Variants in CPD observed in about 807,000 individuals in gnomAD.
CPD encodes carboxypeptidase D.
A neutral mutation model predicts 138.3 loss-of-function variants in CPD; 69 were observed. The observed-to-expected ratio is 0.50, with a 90% CI of 0.41 to 0.61. The LOEUF (loss-of-function observed/expected upper bound fraction) is 0.61. Among genes scored for constraint, CPD ranks in the 20% least tolerant of loss-of-function variants. The probability of loss-of-function intolerance (pLI) is 0.00; values close to 1 mark genes in which losing one functional copy is unlikely to be tolerated. For synonymous variants in CPD, 651 were observed against 642.1 expected (o/e 1.01, Z -0.21); for missense variants, 1,432 against 1,733.3 (o/e 0.83, Z 3.09).
intron 2 of CPD, among the ~76,000 whole-genome samples, chr17:30,419,920 G>A (rs1313923522): frequency 2.6e-5 from 4 of 152,232 alleles, no homozygotes; most frequent in African/African-American, 4.8e-5. Flanking sequence ...GAAGGATCCT[G>A]TGTGACATCA....
rs764896564 is a variant in CPD, at chr17:30,442,332, TACAA to T, written c.2261_2264del (p.Thr754IlefsTer5). ...GGAGGAATGCAGGACTGGAACTATT[TACAA>T]ACAAATTGCTTTGAAGTGACTATTG... is the stretch of plus-strand genomic sequence containing the variant. On this transcript the variant is annotated frameshift_variant, in exon 10 of 21. Transcript: ENST00000225719. LOFTEE classifies it high-confidence loss of function. 6.8e-6 allele frequency: 11 copies of T among 1,613,142 alleles called. No homozygotes were observed. Among genetic ancestry groups the T allele is most frequent in the Non-Finnish European group, 9.3e-6 (11 of 1,179,432 alleles).
rs541532344 is a variant in CPD at position 30,434,002 on chromosome 17, T to TC, written c.2127+2122dup. ...CCCAGTCTTCACTCACAGCCTTTTT[T>TC]CTCTTGGTCAATAAGCAGCTCCTCT... On this transcript the variant is annotated intron_variant, in intron 8 of 20. Coordinates refer to ENST00000225719, the MANE Select transcript of CPD (RefSeq NM_001304.5). Among the ~76,000 whole-genome samples, 377 of 152,290 alleles carry TC rather than the reference T, an allele frequency of 2.5e-3. 1 individual carries two copies. Among genetic ancestry groups the TC allele is most frequent in the African/African-American group, 8.7e-3 (360 of 41,554 alleles).
intron 17 of CPD, among the ~76,000 whole-genome samples, chr17:30,457,213 A>C (rs1294991136): frequency 6.6e-6 from 1 of 152,228 alleles, no homozygotes; most frequent in Non-Finnish European, 1.5e-5. Context: ...ATTTCATGTA[A>C]GTAGAATCAT....
At chr17:30,428,852 A>G (rs1912489050) in intron 7 of CPD, among the ~76,000 whole-genome samples, 2 of 150,962 alleles carry the variant, frequency 1.3e-5, no homozygotes, top group Non-Finnish European at 2.9e-5. Flanking sequence ...GGTGAATTGC[A>G]TGGTATTTGA....
chr17:30,411,916 C>T (rs916652884), intron 2 of CPD, among the ~76,000 whole-genome samples: 2 of 152,146 alleles, frequency 1.3e-5, no homozygotes, highest in African/African-American at 2.4e-5. Flanking sequence ...CAAGGAGCTG[C>T]GATCCTTTTC....
chr17:30,390,524 A>G (rs1476941683), intron 2 of CPD, among the ~76,000 whole-genome samples: 1 of 152,206 alleles, frequency 6.6e-6, no homozygotes, highest in Non-Finnish European at 1.5e-5. Context: ...CATATACTGT[A>G]TTAGGTGATG....
intron 12 of CPD, among the ~76,000 whole-genome samples, chr17:30,448,253 T>G (rs1913078147): frequency 6.6e-6 from 1 of 152,144 alleles, no homozygotes; most frequent in East Asian, 1.9e-4. Context: ...ATCCCAGCAC[T>G]TTGGGAGGCC....
At chr17:30,399,161 C>T (rs1188973283) in intron 2 of CPD, among the ~76,000 whole-genome samples, 2 of 152,036 alleles carry the variant, frequency 1.3e-5, no homozygotes, top group Middle Eastern at 3.4e-3. Context: ...ATAATAACAT[C>T]GTGGTCAGAG....
chr17:30,389,313 G>A (rs1367084964), intron 2 of CPD, among the ~76,000 whole-genome samples: 4 of 152,224 alleles, frequency 2.6e-5, no homozygotes, highest in African/African-American at 9.6e-5. Flanking sequence ...TCAAAAAGAG[G>A]TTTGACATAC....
intron 1 of CPD, chr17:30,380,383 C>T (rs1251371957): frequency 4.7e-6 from 4 of 858,666 alleles, no homozygotes; most frequent in Non-Finnish European, 5.9e-6. Context: ...CCAATTTTTA[C>T]CTCTGACTCA....
intron 11 of CPD, among the ~76,000 whole-genome samples, chr17:30,444,422 C>A (rs965904942): frequency 2.0e-5 from 3 of 150,240 alleles, no homozygotes; most frequent in Non-Finnish European, 4.4e-5. Flanking sequence ...GCACAAAGAA[C>A]ATAGAAAATG....
intron 2 of CPD, among the ~76,000 whole-genome samples, chr17:30,390,859 C>T (rs867498805): frequency 2.0e-5 from 3 of 148,712 alleles, no homozygotes; most frequent in African/African-American, 5.0e-5. Flanking sequence ...GATGGAGTTT[C>T]GCTCTTGTTG....
intron 2 of CPD, among the ~76,000 whole-genome samples, chr17:30,390,905 C>T (rs1911337993): frequency 6.6e-6 from 1 of 151,850 alleles, no homozygotes; most frequent in African/African-American, 2.4e-5. Flanking sequence ...TCTCAGCTCA[C>T]TGCAACCTCT....
At position 30,423,510 on chromosome 17, in the gene CPD, A is replaced by G; in HGVS notation, c.1662A>G (p.Glu554=). 6.5e-7 allele frequency: 1 copy of G among 1,546,872 alleles called. No homozygotes were observed. The highest frequency in any genetic ancestry group is 8.7e-7 in the Non-Finnish European group (1 of 1,148,698). The change falls in exon 6 of 21, where the codon GAA becomes GAG. Residue 554 remains glutamate (E), a synonymous_variant. Coordinates refer to ENST00000225719, the MANE Select transcript of CPD (RefSeq NM_001304.5). ...SDNPGVHEPG[E]PEFKYIGNMH... The stretch of plus-strand genomic sequence containing the variant: ...ATGTAATTATTTTGTTTTCAGGTGA[A>G]CCAGAATTTAAGTACATTGGAAATA...
rs773719535 is a variant in CPD, at chr17:30,427,408, A to G, written c.1867A>G (p.Ile623Val). 9 of 1,614,098 alleles carry G rather than the reference A, an allele frequency of 5.6e-6. No homozygotes were observed. Among genetic ancestry groups the G allele is most frequent in the Non-Finnish European group, 7.6e-6 (9 of 1,179,972 alleles). The change falls in exon 7 of 21, where the codon ATT (isoleucine) becomes GTT (valine). Residue 623 changes from isoleucine (I) to valine (V), a missense_variant. By Grantham distance (29) the Ile-to-Val change is conservative. This residue lies in a region of CPD where 297 missense variants were observed against 405.3 expected (regional missense o/e 0.73). Coordinates refer to ENST00000225719, the MANE Select transcript of CPD (RefSeq NM_001304.5). ...KSQEGDSISV[I>V]GRNNSNNFDL... ...TCATACAGGAGATTCAATAAGTGTAATTGGCAGAAACAACAGCAACAACTT... is the reference window on the plus strand; with the variant it reads ...TCATACAGGAGATTCAATAAGTGTAGTTGGCAGAAACAACAGCAACAACTT...
In CPD at chr17:30,464,896, A is replaced by T; in HGVS notation, c.*82A>T. ...TGGGAGAACACTGCATTAAGAAGAG[A>T]GACTCTCTTGCTTCTTCAAAGAGCT... On this transcript the variant is annotated 3_prime_UTR_variant, in exon 21 of 21. Transcript: ENST00000225719. 9.3e-7 allele frequency: 1 copy of T among 1,077,320 alleles called. No individual in the cohort carries two copies. Among genetic ancestry groups the T allele is most frequent in the Non-Finnish European group, 1.4e-6 (1 of 712,864 alleles). The allele number at this position is 1,077,320 out of a possible 1,614,324, so 66.7% of individuals were successfully genotyped here. A position where few individuals can be genotyped will look rare whatever the true frequency, so the allele number is the denominator to read the frequency against.
chr17:30,442,252 G>T (rs1912892044), intron 9 of CPD, 56 bp from the exon 10 acceptor site: 2 of 1,542,718 alleles, frequency 1.3e-6, no homozygotes, highest in South Asian at 1.2e-5. Context: ...TACCTTTTGG[G>T]ATCTGAGCTG....
chr17:30,406,834 C>CT (rs1242436018), intron 2 of CPD, among the ~76,000 whole-genome samples: 1 of 152,042 alleles, frequency 6.6e-6, no homozygotes, highest in African/African-American at 2.4e-5. Context: ...TTTTATTATA[C>CT]TTTAAGTTCT....
chr17:30,382,840 T>C (rs1316527662), intron 1 of CPD, among the ~76,000 whole-genome samples: 2 of 152,142 alleles, frequency 1.3e-5, no homozygotes, highest in Non-Finnish European at 2.9e-5. Context: ...GCCCAGAGGG[T>C]ATTTGTTTGT....
Sources: allele counts gnomAD v4.1 joint callset (sites outside exome capture counted in the v4.1 genomes callset), GRCh38; gene constraint gnomAD v4.1.1; regional missense constraint gnomAD v4.1.1; transcripts MANE v1.5; gene names NCBI Gene and HGNC (gene_info 2026-07-23, HGNC 2026-07-21).